The following ITGB3BP variants were observed in gnomAD, a reference collection of about 807,000 sequenced individuals.
ITGB3BP encodes integrin subunit beta 3 binding protein, also known as centromere protein R.
Under a neutral mutation model 29.1 loss-of-function variants are expected in ITGB3BP, and 27 were observed. The observed-to-expected ratio is 0.93, with a 90% CI of 0.68 to 1.28. The LOEUF (loss-of-function observed/expected upper bound fraction) is 1.28. Among genes scored for constraint, ITGB3BP ranks in the 50% most tolerant of loss-of-function variants. The pLI is 0.00. For missense variants in ITGB3BP, 192 were observed against 200.2 expected (o/e 0.96, Z 0.25); for synonymous variants, 61 against 61.4 (o/e 0.99, Z 0.03).
At chr1:63,502,358 T>C (rs1355003195) in intron 2 of ITGB3BP, among the ~76,000 whole-genome samples, 2 of 152,094 alleles carry the variant, frequency 1.3e-5, no homozygotes, top group Non-Finnish European at 2.9e-5. Context: ...ATGGTCCATA[T>C]CTCTGCTTCC....
At chr1:63,516,010 G>C (rs1232488111) in intron 1 of ITGB3BP, among the ~76,000 whole-genome samples, 1 of 141,582 alleles carries the variant, frequency 7.1e-6, no homozygotes, top group Admixed American at 7.0e-5. Context: ...ACTGGATAAA[G>C]AAATGTGGTA....
chr1:63,446,850 C>G lies in ITGB3BP; in HGVS notation c.491G>C (p.Arg164Pro), dbSNP rs776522942. 3.1e-6 allele frequency: 5 copies of G among 1,607,502 alleles called. No homozygotes were observed. The highest frequency in any genetic ancestry group is 4.3e-6 in the Non-Finnish European group (5 of 1,175,320). The change falls in exon 8 of 9, where the codon CGT becomes CCT. Residue 164 changes from arginine (R) to proline (P), a missense_variant. Arg to Pro is a moderately radical substitution (Grantham distance 103). Transcript: ENST00000271002. The part of the protein sequence containing the change: ...KSTGLPHKAS[R>P]HLDSYEFLKA... ...AAGGAATTCATAGCTGTCAAGATGACGTGATGCTATATGAAAGAAGAAAGG... is the reference window on the plus strand; with the variant it reads ...AAGGAATTCATAGCTGTCAAGATGAGGTGATGCTATATGAAAGAAGAAAGG...
upstream of ITGB3BP, among the ~76,000 whole-genome samples, chr1:63,526,953 C>T (rs955757550): frequency 1.3e-5 from 2 of 152,080 alleles, no homozygotes; most frequent in Admixed American, 1.3e-4. Flanking sequence ...TTAGTAGAGA[C>T]GGGGTTTTGC....
At chr1:63,516,369 G>A (rs1332733791) in intron 1 of ITGB3BP, among the ~76,000 whole-genome samples, 3 of 140,596 alleles carry the variant, frequency 2.1e-5, no homozygotes, top group Non-Finnish European at 3.1e-5. Context: ...GGGGAGAAGG[G>A]GGGGGGAAGG....
chr1:63,504,466 G>A (rs1208242381), intron 2 of ITGB3BP, among the ~76,000 whole-genome samples: 2 of 151,202 alleles, frequency 1.3e-5, no homozygotes, highest in South Asian at 2.1e-4. Context: ...AACAGGGACA[G>A]TTTGACTTCC....
intron 8 of ITGB3BP, among the ~76,000 whole-genome samples, chr1:63,441,946 C>A (rs558675932): frequency 6.7e-6 from 1 of 149,504 alleles, no homozygotes; most frequent in Non-Finnish European, 1.5e-5. Flanking sequence ...TAAAAATGAC[C>A]TAATAAGGCT....
At chr1:63,514,322 T>C (rs746190234) in intron 1 of ITGB3BP, among the ~76,000 whole-genome samples, 6 of 152,210 alleles carry the variant, frequency 3.9e-5, no homozygotes, top group Non-Finnish European at 7.3e-5. Flanking sequence ...AGAACACCTT[T>C]TACAAGTTTT....
intron 4 of ITGB3BP, among the ~76,000 whole-genome samples, chr1:63,456,241 A>T (rs1272656946): frequency 6.6e-6 from 1 of 152,236 alleles, no homozygotes; most frequent in East Asian, 1.9e-4. Flanking sequence ...CAACTAAGTA[A>T]AATTTTATCT....
upstream of ITGB3BP, among the ~76,000 whole-genome samples, chr1:63,527,359 T>G (rs1418658933): frequency 6.6e-6 from 1 of 152,234 alleles, no homozygotes; most frequent in Non-Finnish European, 1.5e-5. Context: ...TGATTTTAGA[T>G]AAACTATTTT....
At chr1:63,528,489 A>C (rs1300207068) in intron 2 of ITGB3BP, among the ~76,000 whole-genome samples, 1 of 152,170 alleles carries the variant, frequency 6.6e-6, no homozygotes, top group Admixed American at 6.5e-5. Flanking sequence ...AGAAAGAATA[A>C]GACCTAGTAT....
At chr1:63,523,303 T>G (rs1646507305), upstream of ITGB3BP, 1 of 825,856 alleles carries the variant, frequency 1.2e-6, no homozygotes, top group Non-Finnish European at 2.0e-6. Context: ...AGGATCCGGG[T>G]GTGCGCGAGC....
intron 4 of ITGB3BP, among the ~76,000 whole-genome samples, chr1:63,471,566 CT>C (rs1645197931): frequency 6.6e-6 from 1 of 151,926 alleles, no homozygotes. Context: ...AAGTTTTATT[CT>C]TTTACCTTTC....
chr1:63,505,358 TC>T (rs1379561978), intron 2 of ITGB3BP, among the ~76,000 whole-genome samples: 2 of 152,140 alleles, frequency 1.3e-5, no homozygotes, highest in African/African-American at 4.8e-5. Flanking sequence ...GGTGGTGATA[TC>T]CCCTTTATCA....
intron 4 of ITGB3BP, among the ~76,000 whole-genome samples, chr1:63,468,314 C>G (rs1010145284): frequency 1.3e-5 from 2 of 152,122 alleles, no homozygotes; most frequent in African/African-American, 4.8e-5. Context: ...AAATAAAGAG[C>G]CACATTATTG....
At chr1:63,524,432 C>T (rs2100853671), upstream of ITGB3BP, among the ~76,000 whole-genome samples, 1 of 152,294 alleles carries the variant, frequency 6.6e-6, no homozygotes, top group African/African-American at 2.4e-5. Flanking sequence ...TAGGGTACTT[C>T]ATCCATGATA....
At chr1:63,498,858 G>A (rs537186336) in intron 2 of ITGB3BP, among the ~76,000 whole-genome samples, 16 of 151,838 alleles carry the variant, frequency 1.1e-4, no homozygotes, top group Non-Finnish European at 2.1e-4. Context: ...GTGGAAGGAA[G>A]GAAGGGATGG....
At chr1:63,513,511 T>C (rs1469564462) in intron 1 of ITGB3BP, among the ~76,000 whole-genome samples, 1 of 152,150 alleles carries the variant, frequency 6.6e-6, no homozygotes, top group Admixed American at 6.6e-5. Context: ...GACCTAGCTC[T>C]TTTTAGTGGA....
upstream of ITGB3BP, among the ~76,000 whole-genome samples, chr1:63,528,123 C>G (rs1646629146): frequency 6.6e-6 from 1 of 152,112 alleles, no homozygotes; most frequent in Non-Finnish European, 1.5e-5. Flanking sequence ...TATCTGCACT[C>G]CCATGTTTAC....
At chr1:63,447,981 A>C (rs1487713648) in intron 7 of ITGB3BP, among the ~76,000 whole-genome samples, 1 of 152,008 alleles carries the variant, frequency 6.6e-6, no homozygotes, top group Non-Finnish European at 1.5e-5. Context: ...CATATACACC[A>C]TGGAATACTA....
Sources: gnomAD v4.1 joint callset for allele counts (sites outside exome capture counted in the v4.1 genomes callset) on GRCh38, gnomAD v4.1.1 for gene constraint, MANE v1.5 for transcripts, NCBI Gene and HGNC (gene_info 2026-07-23, HGNC 2026-07-21) for gene names.